DIAPH1: variants seen among roughly 807,000 people sequenced by gnomAD.
DIAPH1 encodes the protein protein diaphanous homolog 1.
DIAPH1 carries 46 observed loss-of-function variants against 140.7 expected under a neutral mutation model. That is an observed-to-expected ratio of 0.33 (90% CI 0.26 to 0.42). DIAPH1 has a LOEUF of 0.42. Ranked by LOEUF, DIAPH1 falls within the 10% of genes least tolerant of loss-of-function variation. DIAPH1 has a pLI of 1.00. For synonymous variants in DIAPH1, 565 were observed against 551.6 expected (o/e 1.02, Z -0.34); for missense variants, 1,310 against 1,558.7 (o/e 0.84, Z 2.69).
intron 7 of DIAPH1, 168 bp downstream of exon 7, chr5:141,582,144 A>C (rs2099896870): frequency 1.6e-6 from 1 of 624,138 alleles, no homozygotes; most frequent in South Asian, 2.0e-5. Flanking sequence ...CTGAGAAAAA[A>C]ATATCCACAG....
chr5:141,576,839 A>G lies in DIAPH1; in HGVS notation c.1313T>C (p.Ile438Thr), dbSNP rs2099896033. Residue 438 changes from isoleucine to threonine, a missense_variant, in exon 13 of 28, where the codon ATT becomes ACT. This residue lies in a region of DIAPH1 where 589 missense variants were observed against 549.3 expected (regional missense o/e 1.07). Coordinates refer to ENST00000389054, the MANE Select transcript of DIAPH1 (RefSeq NM_005219.5). Reference sequence around the variant, plus strand: ...GTTCTTGTGCAGAACTATCTGGGAAATACATTCTTCAATCAACTTATAGTA... The same window carrying G: ...GTTCTTGTGCAGAACTATCTGGGAAGTACATTCTTCAATCAACTTATAGTA... ...PQYYKLIEEC[I>T]SQIVLHKNGA... The G allele has an allele frequency of 6.2e-7, 1 of 1,613,564 alleles. No individual in the cohort carries two copies. Among genetic ancestry groups the G allele is most frequent in the Admixed American group, 1.7e-5 (1 of 60,022 alleles).
At chr5:141,576,098 C>G (rs1314359134) in intron 14 of DIAPH1, 132 bp downstream of exon 14, 6 of 759,722 alleles carry the variant, frequency 7.9e-6, no homozygotes, top group Non-Finnish European at 1.4e-5. Flanking sequence ...AAAGGTTTCC[C>G]CTGGGAACTA....
chr5:141,607,550 A>G (rs1042944941), intron 1 of DIAPH1, among the ~76,000 whole-genome samples: 1 of 152,196 alleles, frequency 6.6e-6, no homozygotes, highest in African/African-American at 2.4e-5. Context: ...GGACATCAAC[A>G]TGTATTACAA....
Position 141,574,082 on chromosome 5 carries a change from C to T in DIAPH1, c.1768G>A (p.Gly590Ser), listed in dbSNP as rs1243275176. The change falls in exon 16 of 28, where the codon GGT becomes AGT. Residue 590 changes from glycine to serine, a missense_variant. Gly to Ser is a moderately conservative substitution (Grantham distance 56). Transcript: ENST00000389054. ...GGTGGAATAATAGTGCCAGAGTCACCAGGTAAAGGAGGGGCAGGGGGAACA... is the reference window on the plus strand; with the variant it reads ...GGTGGAATAATAGTGCCAGAGTCACTAGGTAAAGGAGGGGCAGGGGGAACA... ...APVPPAPPLP[G>S]DSGTIIPPPP... 2 of 1,612,592 alleles carry T rather than the reference C, an allele frequency of 1.2e-6. No homozygotes were observed. The highest frequency in any genetic ancestry group is 1.7e-4 in the Middle Eastern group (1 of 5,990).
intron 18 of DIAPH1, among the ~76,000 whole-genome samples, chr5:141,566,143 T>C (rs2099894337): frequency 6.6e-6 from 1 of 152,190 alleles, no homozygotes; most frequent in Non-Finnish European, 1.5e-5. Context: ...GCTGGAGGCC[T>C]GTTGGGGTCA....
chr5:141,519,015 A>G (rs954846115), intron 27 of DIAPH1: 2 of 1,550,056 alleles, frequency 1.3e-6, no homozygotes, highest in African/African-American at 2.7e-5. Flanking sequence ...AGGAGAAAGA[A>G]TAGTGAAGAC....
At chr5:141,517,085 A>T (rs2099885798) in intron 27 of DIAPH1, 77 bp from the exon 28 acceptor site, 1 of 1,561,142 alleles carries the variant, frequency 6.4e-7, no homozygotes, top group South Asian at 1.1e-5. Context: ...GCAGATAATC[A>T]GCGTAAGCCA....
chr5:141,526,581 T>C (rs2099887361), intron 24 of DIAPH1, 120 bp from the exon 25 acceptor site: 1 of 1,258,374 alleles, frequency 7.9e-7, no homozygotes, highest in Non-Finnish European at 1.2e-6. Flanking sequence ...CAGCACTGTT[T>C]ATAACAGCAA....
At chr5:141,587,884 CAA>C (rs1431943044) in intron 2 of DIAPH1, among the ~76,000 whole-genome samples, 1 of 152,164 alleles carries the variant, frequency 6.6e-6, no homozygotes, top group African/African-American at 2.4e-5. Context: ...CTCAAATCAA[CAA>C]GAGTCACCAA....
chr5:141,584,961 T>G (rs2099897310), intron 3 of DIAPH1, among the ~76,000 whole-genome samples: 1 of 143,324 alleles, frequency 7.0e-6, no homozygotes, highest in Non-Finnish European at 1.5e-5. Context: ...TCCTGGTGGG[T>G]TTTTTTTTTT....
At chr5:141,571,635 A>G (rs1429712216) in intron 17 of DIAPH1, among the ~76,000 whole-genome samples, 199 bp from the exon 18 acceptor site, 1 of 152,238 alleles carries the variant, frequency 6.6e-6, no homozygotes, top group Non-Finnish European at 1.5e-5. Context: ...AATCTGTTCA[A>G]AAGTATCAAA....
intron 19 of DIAPH1, among the ~76,000 whole-genome samples, chr5:141,530,230 A>G (rs2099888007): frequency 6.6e-6 from 1 of 151,928 alleles, no homozygotes; most frequent in Admixed American, 6.6e-5. Flanking sequence ...CTCCCTTTCT[A>G]ATCTCTCACT....
chr5:141,592,028 G>T (rs2099898561), intron 1 of DIAPH1, among the ~76,000 whole-genome samples: 4 of 149,292 alleles, frequency 2.7e-5, no homozygotes, highest in Non-Finnish European at 5.9e-5. Context: ...GTTGCAGTGA[G>T]CCGAGATCGC....
intron 18 of DIAPH1, among the ~76,000 whole-genome samples, chr5:141,557,159 T>G (rs1039526504): frequency 6.6e-6 from 1 of 152,202 alleles, no homozygotes; most frequent in Admixed American, 6.5e-5. Context: ...ATAAGATAAT[T>G]TGGGAAATTT....
intron 27 of DIAPH1, 129 bp downstream of exon 27, chr5:141,524,014 A>G: frequency 1.2e-6 from 1 of 841,006 alleles, no homozygotes; most frequent in Non-Finnish European, 2.1e-6. Context: ...GGACTAGATA[A>G]TCCGTTCTGG....
At chr5:141,528,323 C>T in intron 23 of DIAPH1, 130 bp downstream of exon 23, 2 of 1,300,172 alleles carry the variant, frequency 1.5e-6, no homozygotes, top group Non-Finnish European at 2.2e-6. Flanking sequence ...ACTTAGGCAC[C>T]ATGCCTAAAT....
At chr5:141,524,387 C>T in intron 26 of DIAPH1, 158 bp from the exon 27 acceptor site, 1 of 715,182 alleles carries the variant, frequency 1.4e-6, no homozygotes, top group Non-Finnish European at 2.5e-6. Context: ...TTAAGTCTCA[C>T]ACGCTCATGT....
intron 19 of DIAPH1, among the ~76,000 whole-genome samples, chr5:141,533,798 A>G (rs1266728574): frequency 6.6e-6 from 1 of 152,120 alleles, no homozygotes. Flanking sequence ...TAAGAAAGTC[A>G]GAGACACAGC....
intron 1 of DIAPH1, among the ~76,000 whole-genome samples, chr5:141,599,891 TTTTGTTTG>T (rs945388769): frequency 6.6e-6 from 1 of 152,158 alleles, no homozygotes; most frequent in African/African-American, 2.4e-5. Flanking sequence ...GTCTATGTTT[TTTTGTTTG>T]TTTGTTTGTT....
Sources: allele counts gnomAD v4.1 joint callset (sites outside exome capture counted in the v4.1 genomes callset), GRCh38; gene constraint gnomAD v4.1.1; regional missense constraint gnomAD v4.1.1; transcripts MANE v1.5; gene names NCBI Gene and HGNC (gene_info 2026-07-23, HGNC 2026-07-21).